Variants in MYH15 observed in about 807,000 individuals in gnomAD.
The protein encoded by MYH15 is myosin heavy chain 15.
A neutral mutation model predicts 240.5 loss-of-function variants in MYH15; 227 were observed. The observed-to-expected ratio is 0.94, with a 90% CI of 0.85 to 1.05. The LOEUF is 1.05. Among genes scored for constraint, MYH15 ranks in the 50% least tolerant of loss-of-function variants. The probability of loss-of-function intolerance (pLI) is 0.00; values close to 1 mark genes in which losing one functional copy is unlikely to be tolerated. For missense variants in MYH15, 2,217 were observed against 2,247.5 expected (o/e 0.99, Z 0.27); for synonymous variants, 785 against 796.7 (o/e 0.99, Z 0.25).
At chr3:108,410,293 T>A (rs951978917) in intron 31 of MYH15, among the ~76,000 whole-genome samples, 5 of 152,214 alleles carry the variant, frequency 3.3e-5, no homozygotes, top group Non-Finnish European at 7.3e-5. Context: ...CACTTGAGTA[T>A]AGCACACATG....
upstream of MYH15, among the ~76,000 whole-genome samples, chr3:108,533,118 C>CTTTTTTT (rs10561890): frequency 1.0e-4 from 10 of 97,684 alleles, no homozygotes; most frequent in Non-Finnish European, 1.8e-4. Flanking sequence ...ACAATAAAAG[C>CTTTTTTT]TTTTTTTTTT....
chr3:108,468,070 A>G (rs2083136569), intron 14 of MYH15, among the ~76,000 whole-genome samples: 1 of 151,530 alleles, frequency 6.6e-6, no homozygotes, highest in Non-Finnish European at 1.5e-5. Flanking sequence ...GGTTCTAGCT[A>G]TTCTCCTGCC....
chr3:108,513,897 T>G (rs2083539431), upstream of MYH15, among the ~76,000 whole-genome samples: 2 of 152,146 alleles, frequency 1.3e-5, no homozygotes, highest in Admixed American at 1.3e-4. Flanking sequence ...CACAGCAAAA[T>G]AATGCATCCT....
chr3:108,403,871 C>T (rs2082526994), intron 33 of MYH15, among the ~76,000 whole-genome samples: 1 of 152,012 alleles, frequency 6.6e-6, no homozygotes, highest in Non-Finnish European at 1.5e-5. Flanking sequence ...GTGAACTGCT[C>T]TACGACATTC....
intron 3 of MYH15, 91 bp downstream of exon 3, chr3:108,501,621 T>A (rs1186534050): frequency 9.8e-6 from 15 of 1,534,510 alleles, no homozygotes; most frequent in Non-Finnish European, 1.3e-5. Flanking sequence ...GCGAGCATGC[T>A]TAAACTCAAT....
At chr3:108,452,946 G>C (rs1487341018) in intron 21 of MYH15, among the ~76,000 whole-genome samples, 2 of 152,058 alleles carry the variant, frequency 1.3e-5, no homozygotes, top group Admixed American at 1.3e-4. Context: ...GGGAGACCCT[G>C]TTTCTACAAA....
chr3:108,525,122 T>C (rs2083656515), intron 1 of MYH15, among the ~76,000 whole-genome samples: 2 of 151,954 alleles, frequency 1.3e-5, no homozygotes, highest in African/African-American at 4.8e-5. Flanking sequence ...CAGCTAAAGA[T>C]TGGGGGTTCC....
chr3:108,471,212 G>A (rs2083173626), intron 12 of MYH15, among the ~76,000 whole-genome samples: 1 of 151,946 alleles, frequency 6.6e-6, no homozygotes, highest in African/African-American at 2.4e-5. Context: ...ACAGATGAGA[G>A]GAATCATGTT....
chr3:108,421,837 C>A (rs1401707897), intron 27 of MYH15, among the ~76,000 whole-genome samples: 2 of 152,238 alleles, frequency 1.3e-5, no homozygotes, highest in African/African-American at 4.8e-5. Context: ...ACTATGGCTA[C>A]AATCTCAAGA....
chr3:108,437,777 C>A, intron 24 of MYH15, 78 bp from the exon 25 acceptor site: 1 of 1,351,550 alleles, frequency 7.4e-7, no homozygotes, highest in African/African-American at 2.5e-5. Context: ...TAACCACTTA[C>A]CTTCTGGAAA....
chr3:108,452,872 A>G (rs1387779956), intron 21 of MYH15, among the ~76,000 whole-genome samples: 1 of 152,144 alleles, frequency 6.6e-6, no homozygotes, highest in African/African-American at 2.4e-5. Flanking sequence ...AATCTCAGCA[A>G]TTTGGGAGGC....
At chr3:108,487,504 G>A (rs1168776709) in intron 9 of MYH15, among the ~76,000 whole-genome samples, 4 of 152,126 alleles carry the variant, frequency 2.6e-5, no homozygotes, top group Non-Finnish European at 5.9e-5. Context: ...TAATTATGCT[G>A]GGTAAAATAA....
upstream of MYH15, among the ~76,000 whole-genome samples, chr3:108,533,582 G>A (rs1335450013): frequency 6.6e-6 from 1 of 152,104 alleles, no homozygotes; most frequent in Non-Finnish European, 1.5e-5. Flanking sequence ...TCTCCAATGG[G>A]CAAGCAAAAG....
chr3:108,490,555 C>T (rs1369215660), intron 9 of MYH15, among the ~76,000 whole-genome samples: 1 of 152,236 alleles, frequency 6.6e-6, no homozygotes, highest in Admixed American at 6.5e-5. Flanking sequence ...TGGCCCCTGC[C>T]TATTTTACCC....
At chr3:108,432,977 G>C (rs1002943767) in intron 25 of MYH15, among the ~76,000 whole-genome samples, 1 of 152,202 alleles carries the variant, frequency 6.6e-6, no homozygotes, top group African/African-American at 2.4e-5. Context: ...GGAAGTGTAA[G>C]AAGAGGGCCA....
rs954892297 is a variant in MYH15, at chr3:108,493,079, G to T, written c.775+35C>A. Reference sequence around the variant, plus strand: ...AGGGAAGGGAAGGAAGGGAAGAAAAGAAAAAAGTAATCAGACAGTGCAATG... The same window carrying T: ...AGGGAAGGGAAGGAAGGGAAGAAAATAAAAAAGTAATCAGACAGTGCAATG... On this transcript the variant is annotated intron_variant, in intron 8 of 40. Transcript: ENST00000693548. 5 of 1,582,500 alleles carry T rather than the reference G, an allele frequency of 3.2e-6. No individual in the cohort carries two copies. The African/African-American group carries it at 6.7e-5, about 21-fold the overall frequency.
chr3:108,402,212 CAA>C (rs2082510989), intron 33 of MYH15, among the ~76,000 whole-genome samples: 1 of 152,216 alleles, frequency 6.6e-6, no homozygotes, highest in African/African-American at 2.4e-5. Flanking sequence ...TTCTAATTTT[CAA>C]AGACACTCGA....
chr3:108,495,183 T>G (rs927473787), intron 7 of MYH15, among the ~76,000 whole-genome samples: 1 of 152,226 alleles, frequency 6.6e-6, no homozygotes, highest in Non-Finnish European at 1.5e-5. Context: ...AGTGGCTCCC[T>G]GCCACTGATT....
chr3:108,387,651 A>G (rs1306725198), intron 38 of MYH15, among the ~76,000 whole-genome samples: 1 of 152,250 alleles, frequency 6.6e-6, no homozygotes, highest in Non-Finnish European at 1.5e-5. Context: ...ATTTCATGTC[A>G]TCAACATGGG....
Sources: allele counts gnomAD v4.1 joint callset (sites outside exome capture counted in the v4.1 genomes callset), GRCh38; gene constraint gnomAD v4.1.1; transcripts MANE v1.5; gene names NCBI Gene and HGNC (gene_info 2026-07-23, HGNC 2026-07-21).